Variants in ABLIM1 observed in about 807,000 individuals in gnomAD.
ABLIM1 encodes the protein actin-binding LIM protein 1.
In ABLIM1, 40 loss-of-function variants were observed where a neutral mutation model predicts 107.0. The observed-to-expected ratio is 0.37, with a 90% CI of 0.29 to 0.49. The LOEUF (loss-of-function observed/expected upper bound fraction) is 0.49. Ranked by LOEUF, ABLIM1 falls within the 20% of genes least tolerant of loss-of-function variation. The pLI is 0.97. For synonymous variants in ABLIM1, 357 were observed against 357.3 expected (o/e 1.00, Z 0.01); for missense variants, 857 against 1,008.5 (o/e 0.85, Z 2.04).
At chr10:114,798,763 A>C in the ABLIM1 span, among the ~76,000 whole-genome samples, 5 of 152,122 alleles carry the variant, frequency 3.3e-5, no homozygotes, top group African/African-American at 9.6e-5. Flanking sequence ...ACAAACCAAA[A>C]GATAGTAGTA....
intron 4 of ABLIM1, among the ~76,000 whole-genome samples, chr10:114,564,764 A>G (rs907771904): frequency 6.6e-6 from 1 of 152,222 alleles, no homozygotes. Context: ...ATTCAAACCC[A>G]GGCACATCTG....
chr10:114,635,461 G>T (rs1248907265), intron 1 of ABLIM1, among the ~76,000 whole-genome samples: 1 of 152,188 alleles, frequency 6.6e-6, no homozygotes, highest in Non-Finnish European at 1.5e-5. Context: ...GGAATTTCAG[G>T]ATCCCTCCGT....
At chr10:114,546,265 A>G (rs1403878409) in intron 5 of ABLIM1, among the ~76,000 whole-genome samples, 1 of 149,522 alleles carries the variant, frequency 6.7e-6, no homozygotes, top group African/African-American at 2.5e-5. Flanking sequence ...CATAATGGTC[A>G]CCTGAAGAGC....
chr10:114,771,857 A>G (rs1309255162), upstream of ABLIM1, among the ~76,000 whole-genome samples: 2 of 152,232 alleles, frequency 1.3e-5, no homozygotes, highest in African/African-American at 4.8e-5. Flanking sequence ...AGAGGTTCCT[A>G]TTTGACTCTT....
chr10:114,787,816 C>CG, the ABLIM1 span, among the ~76,000 whole-genome samples: 4 of 147,486 alleles, frequency 2.7e-5, no homozygotes, highest in Non-Finnish European at 6.0e-5. Context: ...GCCACGACCC[C>CG]GTCTGGGAGG....
At chr10:114,647,917 T>C (rs1358155417) in intron 1 of ABLIM1, among the ~76,000 whole-genome samples, 1 of 152,242 alleles carries the variant, frequency 6.6e-6, no homozygotes, top group Non-Finnish European at 1.5e-5. Context: ...TTTCTTTATA[T>C]AATGTTTGCA....
intron 1 of ABLIM1, among the ~76,000 whole-genome samples, chr10:114,639,037 A>C (rs755139859): frequency 1.3e-5 from 2 of 152,214 alleles, no homozygotes; most frequent in African/African-American, 2.4e-5. Flanking sequence ...AAGGTTTACA[A>C]AGCCTACATT....
chr10:114,698,971 GAAGC>G (rs888421885), intron 1 of ABLIM1, among the ~76,000 whole-genome samples: 1 of 151,974 alleles, frequency 6.6e-6, no homozygotes, highest in Admixed American at 6.6e-5. Flanking sequence ...AACAGATCTA[GAAGC>G]CAGTGAGTCC....
At chr10:114,671,790 C>T (rs2080266145) in intron 1 of ABLIM1, among the ~76,000 whole-genome samples, 1 of 152,174 alleles carries the variant, frequency 6.6e-6, no homozygotes, top group Non-Finnish European at 1.5e-5. Context: ...TCTGGATATG[C>T]TGTTTTGTGA....
intron 1 of ABLIM1, among the ~76,000 whole-genome samples, chr10:114,651,574 T>A (rs1410941959): frequency 6.6e-6 from 1 of 152,026 alleles, no homozygotes; most frequent in Non-Finnish European, 1.5e-5. Flanking sequence ...GAGTGGGACG[T>A]GATAGAAAGG....
At chr10:114,516,714 C>A (rs1000156301) in intron 6 of ABLIM1, among the ~76,000 whole-genome samples, 1 of 152,358 alleles carries the variant, frequency 6.6e-6, no homozygotes. Context: ...GAGCTTCACA[C>A]TGGATTCAGT....
At position 114,468,422 on chromosome 10, in the gene ABLIM1, C is replaced by CTGT. The variant is rs201070970; in HGVS notation, c.1276-207_1276-206insACA. ...CCCAAGTAGCTGGGACTACAGGCGC[C>CTGT]GCCACCACCCCCAGCTACTTTTTTT... On this transcript the variant is annotated intron_variant, in intron 10 of 22. Coordinates refer to ENST00000533213, the MANE Select transcript of ABLIM1 (RefSeq NM_002313.7). Among the ~76,000 whole-genome samples, 58 of 151,964 alleles carry CTGT rather than the reference C, an allele frequency of 3.8e-4. 1 individual carries two copies. In the East Asian group the frequency reaches 8.4e-3, roughly 22 times the overall value.
the ABLIM1 span, among the ~76,000 whole-genome samples, chr10:114,786,352 A>T: frequency 6.6e-6 from 1 of 152,210 alleles, no homozygotes; most frequent in Non-Finnish European, 1.5e-5. Context: ...ATACCTCAAA[A>T]TATCCATAAA....
Position 114,436,262 on chromosome 10 carries a change from A to C in ABLIM1, c.2335T>G (p.Ter779GluextTer8). 1 of 1,611,752 alleles carries C rather than the reference A, an allele frequency of 6.2e-7. No homozygotes were observed. The highest frequency in any genetic ancestry group is 8.5e-7 in the Non-Finnish European group (1 of 1,177,888). ...NDMKKKAKLF[*>E] Reference sequence around the variant, plus strand: ...TAATTGCCATTCACGAGTGGGACTTAGAAGAGTTTTGCTTTTTTCTTCATG... The same window carrying C: ...TAATTGCCATTCACGAGTGGGACTTCGAAGAGTTTTGCTTTTTTCTTCATG... Residue 779 changes from the stop codon to glutamate (E), a stop_lost, in exon 23 of 23, where the codon TAA becomes GAA. Transcript: ENST00000533213.
chr10:114,731,517 A>G (rs767671761), intron 1 of ABLIM1, among the ~76,000 whole-genome samples: 2 of 151,504 alleles, frequency 1.3e-5, no homozygotes, highest in African/African-American at 2.4e-5. Flanking sequence ...ACTGGAGTGC[A>G]GTGGCATGAC....
intron 21 of ABLIM1, among the ~76,000 whole-genome samples, chr10:114,438,757 C>T (rs1260286909): frequency 6.6e-6 from 1 of 152,200 alleles, no homozygotes; most frequent in Non-Finnish European, 1.5e-5. Context: ...TCTGAAGGTA[C>T]AGGGTGCTCT....
At chr10:114,729,799 A>G (rs907910336) in intron 1 of ABLIM1, among the ~76,000 whole-genome samples, 11 of 152,168 alleles carry the variant, frequency 7.2e-5, no homozygotes, top group Admixed American at 5.9e-4. Flanking sequence ...CAGCTTGGCC[A>G]GTACAATTAC....
chr10:114,771,481 T>C (rs7082100), upstream of ABLIM1, among the ~76,000 whole-genome samples: 2,109 of 152,300 alleles, frequency 0.014, 38 homozygotes, highest in African/African-American at 0.038. Flanking sequence ...AAGTATATAT[T>C]TTAAAATATA....
chr10:114,656,707 T>G (rs904359467), intron 1 of ABLIM1, among the ~76,000 whole-genome samples: 1 of 152,178 alleles, frequency 6.6e-6, no homozygotes, highest in Non-Finnish European at 1.5e-5. Context: ...AGAAACAAAT[T>G]GTGGAATATC....
Sources: gnomAD v4.1 joint callset for allele counts (sites outside exome capture counted in the v4.1 genomes callset) on GRCh38, gnomAD v4.1.1 for gene constraint, MANE v1.5 for transcripts, NCBI Gene and HGNC (gene_info 2026-07-23, HGNC 2026-07-21) for gene names.